TANC2: variants seen among roughly 807,000 people sequenced by gnomAD.
TANC2 encodes tetratricopeptide repeat, ankyrin repeat and coiled-coil containing 2, also known as protein TANC2.
Under a neutral mutation model 210.5 loss-of-function variants are expected in TANC2, and 26 were observed. That is an observed-to-expected ratio of 0.12 (90% CI 0.09 to 0.17). The LOEUF (loss-of-function observed/expected upper bound fraction) is 0.17. Among genes scored for constraint, TANC2 ranks in the 10% least tolerant of loss-of-function variants. TANC2 has a pLI of 1.00. For missense variants in TANC2, 2,129 were observed against 2,608.9 expected (o/e 0.82, Z 4.01); for synonymous variants, 931 against 967.1 (o/e 0.96, Z 0.69).
intron 2 of TANC2, among the ~76,000 whole-genome samples, chr17:63,010,155 A>G (rs1175984603): frequency 6.6e-6 from 1 of 152,138 alleles, no homozygotes; most frequent in African/African-American, 2.4e-5. Context: ...AATGTATTAG[A>G]ATGTTTGTTT....
chr17:63,200,149 A>G (rs1050937389), intron 6 of TANC2, among the ~76,000 whole-genome samples: 11 of 152,056 alleles, frequency 7.2e-5, no homozygotes, highest in South Asian at 4.2e-4. Context: ...TGAGGTCAGG[A>G]GTTCGAGACC....
chr17:62,985,072 G>A (rs2032501296), intron 1 of TANC2, among the ~76,000 whole-genome samples: 2 of 152,188 alleles, frequency 1.3e-5, no homozygotes, highest in African/African-American at 4.8e-5. Context: ...TCAGTCTAAT[G>A]TTGATAAATT....
intron 14 of TANC2, among the ~76,000 whole-genome samples, chr17:63,357,983 C>G (rs572200979): frequency 1.3e-5 from 2 of 152,350 alleles, no homozygotes; most frequent in African/African-American, 4.8e-5. Flanking sequence ...ATGTACATCT[C>G]TGTGGTGTAA....
chr17:63,367,956 A>C (rs558942800), intron 14 of TANC2, among the ~76,000 whole-genome samples: 1 of 152,240 alleles, frequency 6.6e-6, no homozygotes, highest in East Asian at 1.9e-4. Context: ...CAAGTGATGT[A>C]TGGAAGATGA....
intron 2 of TANC2, among the ~76,000 whole-genome samples, chr17:63,028,723 T>C (rs1371507082): frequency 6.6e-6 from 1 of 152,144 alleles, no homozygotes; most frequent in African/African-American, 2.4e-5. Flanking sequence ...TAGTTCAAAA[T>C]AATCCTTATG....
At chr17:63,295,491 A>C (rs1236780139) in intron 9 of TANC2, among the ~76,000 whole-genome samples, 1 of 152,230 alleles carries the variant, frequency 6.6e-6, no homozygotes, top group Non-Finnish European at 1.5e-5. Context: ...CATGTAAAGT[A>C]ATCTTGGACC....
intron 5 of TANC2, among the ~76,000 whole-genome samples, chr17:63,173,824 TAATC>T (rs2040490035): frequency 6.6e-6 from 1 of 152,182 alleles, no homozygotes; most frequent in Admixed American, 6.5e-5. Context: ...TTTTTAATAA[TAATC>T]AGACTTATTC....
chr17:63,374,223 A>C (rs2047359925), intron 14 of TANC2, among the ~76,000 whole-genome samples: 1 of 151,826 alleles, frequency 6.6e-6, no homozygotes, highest in Non-Finnish European at 1.5e-5. Context: ...TTTTTTGTAG[A>C]GACAGGATCC....
At chr17:63,324,613 C>G (rs1275782593) in intron 11 of TANC2, among the ~76,000 whole-genome samples, 1 of 152,062 alleles carries the variant, frequency 6.6e-6, no homozygotes, top group African/African-American at 2.4e-5. Flanking sequence ...ACAACACATA[C>G]CCCATAGATG....
At chr17:63,333,157 G>T (rs912330526) in intron 11 of TANC2, among the ~76,000 whole-genome samples, 2 of 152,100 alleles carry the variant, frequency 1.3e-5, no homozygotes. Context: ...CTTTTCATGA[G>T]GCTAGAACTC....
rs747469714 is a variant in TANC2 at position 63,355,258 on chromosome 17, A to T, written c.2450A>T (p.Gln817Leu). The T allele has an allele frequency of 1.9e-6, 3 of 1,613,634 alleles. No individual in the cohort carries two copies. In the South Asian group the frequency reaches 3.3e-5, roughly 18 times the overall value. The change falls in exon 14 of 28, where the codon CAG becomes CTG. Residue 817 changes from glutamine to leucine, a missense_variant. Gln to Leu is a moderately radical substitution (Grantham distance 113). Coordinates refer to ENST00000689528, the Ensembl canonical transcript of TANC2. Reference sequence around the variant, plus strand: ...ACACTAGAATGGGAGGATTTTCAGCAGAGAATGGAGAACCTCTCCATGTTC... The same window carrying T: ...ACACTAGAATGGGAGGATTTTCAGCTGAGAATGGAGAACCTCTCCATGTTC...
At chr17:62,972,423 CCTTT>C (rs1478642863) in intron 1 of TANC2, among the ~76,000 whole-genome samples, 1 of 152,068 alleles carries the variant, frequency 6.6e-6, no homozygotes, top group Non-Finnish European at 1.5e-5. Context: ...ATCTTAAACT[CCTTT>C]CTTTGTTTAT....
At chr17:63,074,818 T>G (rs997501443) in intron 3 of TANC2, among the ~76,000 whole-genome samples, 1 of 152,280 alleles carries the variant, frequency 6.6e-6, no homozygotes, top group Non-Finnish European at 1.5e-5. Context: ...AAAAATAGAT[T>G]ATAAAATTTC....
At chr17:63,223,825 A>C (rs1041307783) in intron 7 of TANC2, among the ~76,000 whole-genome samples, 4 of 152,032 alleles carry the variant, frequency 2.6e-5, no homozygotes, top group African/African-American at 9.7e-5. Context: ...TCCTGTGTTT[A>C]ATCATCAGGT....
chr17:62,977,864 AGT>A (rs1382553824), intron 1 of TANC2, among the ~76,000 whole-genome samples: 4 of 152,232 alleles, frequency 2.6e-5, no homozygotes, highest in African/African-American at 9.6e-5. Context: ...GTATTTTTTC[AGT>A]GTGTTTCTCT....
chr17:63,117,008 AAG>A (rs2038277531), intron 4 of TANC2: 1 of 152,226 alleles, frequency 6.6e-6, no homozygotes, highest in South Asian at 2.1e-4. Context: ...AGGAAACAGT[AAG>A]AGAGGAGTTT....
intron 9 of TANC2, among the ~76,000 whole-genome samples, chr17:63,310,007 C>CAAAAAAGCACTAGAAAAAAAATGTTAAT (rs2045064728): frequency 2.6e-5 from 4 of 151,932 alleles, no homozygotes; most frequent in African/African-American, 9.7e-5. Flanking sequence ...ATACCAGACT[C>CAAAAAAGCACTAGAAAAAAAATGTTAAT]AAAAAAGCAC....
chr17:63,214,921 A>ATCC (rs915082822), intron 7 of TANC2, among the ~76,000 whole-genome samples: 2 of 152,164 alleles, frequency 1.3e-5, no homozygotes, highest in Non-Finnish European at 2.9e-5. Flanking sequence ...TAGGTTCTAA[A>ATCC]TCCAGTCCTT....
At chr17:63,307,087 T>C (rs989672403) in intron 9 of TANC2, among the ~76,000 whole-genome samples, 1 of 152,174 alleles carries the variant, frequency 6.6e-6, no homozygotes, top group African/African-American at 2.4e-5. Context: ...GGAAGTGATG[T>C]GAGATGCCTG....
Sources: gnomAD v4.1 joint callset for allele counts (sites outside exome capture counted in the v4.1 genomes callset) on GRCh38, gnomAD v4.1.1 for gene constraint, MANE v1.5 for transcripts, NCBI Gene and HGNC (gene_info 2026-07-23, HGNC 2026-07-21) for gene names.